Variants in PGR observed in about 807,000 individuals in gnomAD.
PGR encodes the protein nuclear receptor subfamily 3 group C member 3.
In PGR, 25 loss-of-function variants were observed where a neutral mutation model predicts 76.1. The ratio of observed to expected loss-of-function variants is 0.33; its 90% CI spans 0.24 to 0.46. PGR has a LOEUF of 0.46. Ranked by LOEUF, PGR falls within the 20% of genes least tolerant of loss-of-function variation. PGR has a pLI of 1.00. For missense variants in PGR, 1,172 were observed against 1,225.3 expected (o/e 0.96, Z 0.65); for synonymous variants, 579 against 535.0 (o/e 1.08, Z -1.14).
At chr11:101,050,566 G>A (rs1860051244) in intron 5 of PGR, among the ~76,000 whole-genome samples, 1 of 152,056 alleles carries the variant, frequency 6.6e-6, no homozygotes, top group Non-Finnish European at 1.5e-5. Flanking sequence ...GAGGACATTG[G>A]CAAGCATTAA....
intron 2 of PGR, among the ~76,000 whole-genome samples, chr11:101,116,546 T>C (rs1862515919): frequency 6.6e-6 from 1 of 151,850 alleles, no homozygotes; most frequent in Non-Finnish European, 1.5e-5. Context: ...TCGAGACCAA[T>C]CTGGTCAACA....
chr11:101,058,151 G>A (rs1860358776), intron 4 of PGR, among the ~76,000 whole-genome samples: 2 of 152,102 alleles, frequency 1.3e-5, no homozygotes, highest in South Asian at 2.1e-4. Context: ...TAGTTACTTT[G>A]CCAATAGTCC....
chr11:101,106,200 T>A (rs1862156715), intron 2 of PGR, among the ~76,000 whole-genome samples: 1 of 152,112 alleles, frequency 6.6e-6, no homozygotes, highest in Admixed American at 6.6e-5. Flanking sequence ...CCAAAAGCAA[T>A]GGCAACAAAA....
rs1005052833 is a variant in PGR, at chr11:101,033,976, A to G, written c.*5140T>C. 8 of 228,074 alleles carry G rather than the reference A, an allele frequency of 3.5e-5. No homozygotes were observed. The highest frequency in any genetic ancestry group is 5.2e-5 in the Non-Finnish European group (6 of 114,932). The allele number at this position is 228,074 out of a possible 1,614,324, so 14.1% of individuals were successfully genotyped here. A position where few individuals can be genotyped will look rare whatever the true frequency, so the allele number is the denominator to read the frequency against. ...CTGAAAACTATTTACAATACCATTT[A>G]AATATTTTATTCATATCTATCCGAA... On this transcript the variant is annotated 3_prime_UTR_variant, in exon 8 of 8. Coordinates refer to ENST00000325455, the MANE Select transcript of PGR (RefSeq NM_000926.4).
At position 101,031,645 on chromosome 11, in the gene PGR, C is replaced by T; in HGVS notation, c.*7471G>A. 4.6e-6 allele frequency: 1 copy of T among 216,298 alleles called. No homozygotes were observed. Among genetic ancestry groups the T allele is most frequent in the Non-Finnish European group, 9.2e-6 (1 of 108,584 alleles). 13.4% of individuals were successfully genotyped at this position (216,298 alleles called of 1,614,324 possible). Reference sequence around the variant, plus strand: ...ATTTTGTAATTCCACTTGATAATGGCATCTGATTATTTGATCATGACATCA... The same window carrying T: ...ATTTTGTAATTCCACTTGATAATGGTATCTGATTATTTGATCATGACATCA... On this transcript the variant is annotated 3_prime_UTR_variant, in exon 8 of 8. Transcript: ENST00000325455.
At chr11:101,066,871 A>G (rs961347231) in intron 3 of PGR, among the ~76,000 whole-genome samples, 11 of 152,188 alleles carry the variant, frequency 7.2e-5, no homozygotes, top group Admixed American at 2.6e-4. Context: ...TGTCCCCACA[A>G]TCACAGTTGG....
chr11:101,098,696 C>T (rs1861910928), intron 2 of PGR, among the ~76,000 whole-genome samples: 1 of 152,066 alleles, frequency 6.6e-6, no homozygotes, highest in South Asian at 2.1e-4. Context: ...ATAAGAAATG[C>T]CTAAAAGATA....
chr11:101,051,046 T>C (rs907074950), intron 5 of PGR: 3 of 185,114 alleles, frequency 1.6e-5, no homozygotes, highest in Admixed American at 5.8e-5. Context: ...TTCAATTTTT[T>C]AAATAAATTA....
intron 3 of PGR, among the ~76,000 whole-genome samples, chr11:101,090,785 A>G (rs1376755449): frequency 1.3e-5 from 2 of 152,190 alleles, no homozygotes; most frequent in African/African-American, 2.4e-5. Context: ...GAATTACTGT[A>G]AAGTGCCCAG....
At chr11:101,110,455 T>C (rs941657245) in intron 2 of PGR, among the ~76,000 whole-genome samples, 1 of 152,154 alleles carries the variant, frequency 6.6e-6, no homozygotes, top group African/African-American at 2.4e-5. Context: ...GTGGTAGGAA[T>C]AGCAAAAGAA....
intron 3 of PGR, among the ~76,000 whole-genome samples, chr11:101,086,391 C>A (rs528619635): frequency 6.6e-6 from 1 of 152,110 alleles, no homozygotes; most frequent in African/African-American, 2.4e-5. Flanking sequence ...AATGCAATAC[C>A]ACTTCATGAT....
chr11:101,083,582 G>A (rs1279923246), intron 3 of PGR, among the ~76,000 whole-genome samples: 1 of 152,220 alleles, frequency 6.6e-6, no homozygotes, highest in African/African-American at 2.4e-5. Flanking sequence ...AAGGCCTTGG[G>A]AGCCCATCCC....
chr11:101,088,463 G>A (rs187562162), intron 3 of PGR, among the ~76,000 whole-genome samples: 488 of 152,120 alleles, frequency 3.2e-3, no homozygotes, highest in Non-Finnish European at 5.5e-3. Flanking sequence ...TCCCAAGTAG[G>A]TGGGACTACA....
At chr11:101,040,739 G>A (rs1859669605) in intron 7 of PGR, among the ~76,000 whole-genome samples, 1 of 151,936 alleles carries the variant, frequency 6.6e-6, no homozygotes, top group Non-Finnish European at 1.5e-5. Context: ...GTTCAATTGT[G>A]CAGTGCCTCT....
At chr11:101,074,329 AAAT>A (rs1278296187) in intron 3 of PGR, among the ~76,000 whole-genome samples, 1 of 152,316 alleles carries the variant, frequency 6.6e-6, no homozygotes, top group East Asian at 1.9e-4. Flanking sequence ...CCGTATCTCA[AAAT>A]AATAAGAGCT....
At chr11:101,125,443 T>C (rs1862808182) in intron 2 of PGR, among the ~76,000 whole-genome samples, 2 of 152,180 alleles carry the variant, frequency 1.3e-5, no homozygotes, top group African/African-American at 4.8e-5. Context: ...CTTACAAAAA[T>C]ATACTGAACA....
intron 2 of PGR, among the ~76,000 whole-genome samples, chr11:101,095,883 G>C (rs1861816608): frequency 6.6e-6 from 1 of 152,066 alleles, no homozygotes; most frequent in Non-Finnish European, 1.5e-5. Flanking sequence ...CAGTTTTAAA[G>C]GCAACTTAAA....
At position 101,051,251 on chromosome 11, in the gene PGR, T is replaced by C. The variant is rs1030373348; in HGVS notation, c.2357+173A>G. On this transcript the variant is annotated intron_variant, in intron 5 of 7. Transcript: ENST00000325455. Reference sequence around the variant, plus strand: ...ATGTGTAAGAAAATTGGATTTGATATAACTATATTTTGAAACAAGAGGAAA... The same window carrying C: ...ATGTGTAAGAAAATTGGATTTGATACAACTATATTTTGAAACAAGAGGAAA... Among the ~76,000 whole-genome samples, 7 of 152,148 alleles carry C rather than the reference T, an allele frequency of 4.6e-5. No individual in the cohort carries two copies. The South Asian group carries it at 6.2e-4, about 13-fold the overall frequency.
chr11:101,032,509 C>T lies in PGR; in HGVS notation c.*6607G>A, dbSNP rs1859383306. 1 of 232,852 alleles carries T rather than the reference C, an allele frequency of 4.3e-6. No homozygotes were observed. Among genetic ancestry groups the T allele is most frequent in the Admixed American group, 5.6e-5 (1 of 17,784 alleles). 14.4% of individuals were successfully genotyped at this position (232,852 alleles called of 1,614,324 possible). On this transcript the variant is annotated 3_prime_UTR_variant, in exon 8 of 8. Coordinates refer to ENST00000325455, the MANE Select transcript of PGR (RefSeq NM_000926.4). ...CATCCATCCCCACCCCACATTCTCTCTCCCCATCAGGTTTGTGCAAATGTT... is the reference window on the plus strand; with the variant it reads ...CATCCATCCCCACCCCACATTCTCTTTCCCCATCAGGTTTGTGCAAATGTT...
Sources: gnomAD v4.1 joint callset for allele counts (sites outside exome capture counted in the v4.1 genomes callset) on GRCh38, gnomAD v4.1.1 for gene constraint, MANE v1.5 for transcripts, NCBI Gene and HGNC (gene_info 2026-07-23, HGNC 2026-07-21) for gene names.